Variants in AKAP12 observed in about 807,000 individuals in gnomAD.
The protein encoded by AKAP12 is A-kinase anchoring protein 12, also known as A-kinase anchor protein 12.
Under a neutral mutation model 79.9 loss-of-function variants are expected in AKAP12, and 32 were observed. The observed-to-expected ratio is 0.40, with a 90% confidence interval of 0.30 to 0.54. The LOEUF (loss-of-function observed/expected upper bound fraction) is 0.54. Among genes scored for constraint, AKAP12 ranks in the 20% least tolerant of loss-of-function variants. The pLI, the probability that AKAP12 is intolerant of heterozygous loss-of-function variation, is 0.48. For missense variants in AKAP12, 2,074 were observed against 2,177.0 expected (o/e 0.95, Z 0.94); for synonymous variants, 808 against 857.0 (o/e 0.94, Z 1.00).
At chr6:151,305,150 C>G (rs1776950998) in intron 2 of AKAP12, among the ~76,000 whole-genome samples, 1 of 151,212 alleles carries the variant, frequency 6.6e-6, no homozygotes, top group Non-Finnish European at 1.5e-5. Context: ...CCTGGACACC[C>G]CCAGCCTCAG....
In AKAP12 at chr6:151,341,804, A is replaced by G. The variant is rs555998757; in HGVS notation, c.320-6907A>G. ...CGAGATGGGTGTGTGTGGGTTTTCC[A>G]GCCTCCTTCCTTCCCGTCCCAGGCT... On this transcript the variant is annotated intron_variant, in intron 3 of 4. Transcript: ENST00000402676. 1.8e-3 allele frequency: 2,371 copies of G among 1,287,236 alleles called. 5 individuals carry two copies. The highest frequency in any genetic ancestry group is 2.6e-3 in the Middle Eastern group (12 of 4,690). 79.7% of individuals were successfully genotyped at this position (1,287,236 alleles called of 1,614,324 possible). A position where few individuals can be genotyped will look rare whatever the true frequency, so the allele number is the denominator to read the frequency against.
chr6:151,343,970 A>C (rs774724360), intron 3 of AKAP12: 1 of 449,152 alleles, frequency 2.2e-6, no homozygotes, highest in Non-Finnish European at 4.2e-6. Context: ...ATATATCTAA[A>C]ATGTAGAAGT....
intron 2 of AKAP12, among the ~76,000 whole-genome samples, chr6:151,272,353 AAAAAAAC>A (rs1221288534): frequency 2.0e-5 from 3 of 151,254 alleles, no homozygotes; most frequent in African/African-American, 7.3e-5. Context: ...TCAAAAAAAA[AAAAAAAC>A]AAAAAAAACA....
chr6:151,291,652 T>C (rs1203339278), intron 2 of AKAP12, among the ~76,000 whole-genome samples: 1 of 152,244 alleles, frequency 6.6e-6, no homozygotes, highest in African/African-American at 2.4e-5. Flanking sequence ...GAAAGCCATT[T>C]CAATTTATCA....
chr6:151,352,593 G>A lies in AKAP12; in HGVS notation c.4202G>A (p.Gly1401Asp). The change falls in exon 4 of 5, where the codon GGT becomes GAT. Residue 1401 changes from glycine (G) to aspartate (D), a missense_variant. Transcript: ENST00000402676. ...SLEGSPPPCLGQEEAVCTKIQ... is the reference protein window; with the variant it reads ...SLEGSPPPCLDQEEAVCTKIQ... Reference sequence around the variant, plus strand: ...GAAGGAAGCCCTCCTCCCTGCCTAGGTCAAGAGGAGGCAGTATGCACCAAA... The same window carrying A: ...GAAGGAAGCCCTCCTCCCTGCCTAGATCAAGAGGAGGCAGTATGCACCAAA... 1 of 1,614,184 alleles carries A rather than the reference G, an allele frequency of 6.2e-7. No homozygotes were observed. Among genetic ancestry groups the A allele is most frequent in the African/African-American group, 1.3e-5 (1 of 75,042 alleles).
chr6:151,297,071 T>C (rs1432970861), intron 2 of AKAP12, among the ~76,000 whole-genome samples: 1 of 150,138 alleles, frequency 6.7e-6, no homozygotes, highest in African/African-American at 2.5e-5. Context: ...TATTCAATTT[T>C]AGAGTGAATA....
At chr6:151,256,123 A>G (rs761802470) in intron 2 of AKAP12, among the ~76,000 whole-genome samples, 70 of 152,202 alleles carry the variant, frequency 4.6e-4, no homozygotes, top group Non-Finnish European at 9.1e-4. Flanking sequence ...GAGATGCACG[A>G]GAGAAAGAAC....
At chr6:151,266,890 A>C (rs897154472) in intron 2 of AKAP12, among the ~76,000 whole-genome samples, 2 of 151,994 alleles carry the variant, frequency 1.3e-5, no homozygotes, top group Non-Finnish European at 2.9e-5. Context: ...TATGTGGCTG[A>C]AGGTTGAAAG....
intron 2 of AKAP12, among the ~76,000 whole-genome samples, chr6:151,263,313 GC>G (rs1251054471): frequency 6.6e-6 from 1 of 152,144 alleles, no homozygotes; most frequent in East Asian, 1.9e-4. Context: ...GGGATTACAG[GC>G]ATGAGTCACC....
At chr6:151,326,345 T>G (rs1032463299) in intron 3 of AKAP12, among the ~76,000 whole-genome samples, 2 of 152,204 alleles carry the variant, frequency 1.3e-5, no homozygotes, top group Non-Finnish European at 2.9e-5. Context: ...CATTTTGACT[T>G]GTTTACTAGG....
At chr6:151,332,041 T>TTTTG (rs1562743266) in intron 3 of AKAP12, among the ~76,000 whole-genome samples, 5 of 140,368 alleles carry the variant, frequency 3.6e-5, no homozygotes, top group Admixed American at 1.4e-4. Flanking sequence ...CTGTTTTTTT[T>TTTTG]TTTTTTTTTT....
chr6:151,332,621 A>C (rs770886930), intron 3 of AKAP12, among the ~76,000 whole-genome samples: 45 of 152,304 alleles, frequency 3.0e-4, no homozygotes, highest in Non-Finnish European at 6.0e-4. Flanking sequence ...AAGCCCTGTC[A>C]ATACAAGACT....
intron 3 of AKAP12, among the ~76,000 whole-genome samples, chr6:151,312,787 T>C (rs1777144221): frequency 2.4e-5 from 2 of 82,962 alleles, no homozygotes; most frequent in African/African-American, 7.1e-5. Flanking sequence ...AGGGAGACTC[T>C]GTCTCCAAAA....
intron 2 of AKAP12, among the ~76,000 whole-genome samples, chr6:151,287,919 A>G (rs1298790371): frequency 1.3e-5 from 2 of 152,206 alleles, no homozygotes; most frequent in Non-Finnish European, 2.9e-5. Context: ...TTGCAGGGAC[A>G]TGGATAAAGC....
At chr6:151,303,118 A>G (rs1776896767) in intron 2 of AKAP12, among the ~76,000 whole-genome samples, 2 of 152,254 alleles carry the variant, frequency 1.3e-5, no homozygotes, top group Admixed American at 1.3e-4. Flanking sequence ...ACTTGAACCC[A>G]AAAGGCGGAT....
intron 2 of AKAP12, among the ~76,000 whole-genome samples, chr6:151,282,747 A>T (rs1032819910): frequency 2.0e-5 from 3 of 152,056 alleles, no homozygotes; most frequent in Non-Finnish European, 4.4e-5. Context: ...TCTCTTGTCT[A>T]TTGGTTGAAT....
intron 3 of AKAP12, among the ~76,000 whole-genome samples, chr6:151,334,106 T>C (rs929899118): frequency 2.0e-5 from 3 of 151,674 alleles, no homozygotes; most frequent in Admixed American, 1.3e-4. Flanking sequence ...CCTCCATCTC[T>C]ACAAAAACAA....
At chr6:151,340,412 G>C (rs982148573) in intron 3 of AKAP12, among the ~76,000 whole-genome samples, 3 of 152,090 alleles carry the variant, frequency 2.0e-5, no homozygotes, top group African/African-American at 7.2e-5. Context: ...AACTCATTTG[G>C]GTGAATACCA....
rs1454541075 is a variant in AKAP12, at chr6:151,352,810, G to C, written c.4419G>C (p.Val1473=). 4.3e-6 allele frequency: 7 copies of C among 1,614,196 alleles called. No individual in the cohort carries two copies. The Admixed American group carries it at 1.0e-4, about 23-fold the overall frequency. The part of the protein sequence containing the change: ...DFAAHPGEDA[V]PTGPDCQAKS... ...CCGCTCATCCAGGGGAAGATGCTGT[G>C]CCCACAGGGCCCGACTGTCAGGCAA... Residue 1473 remains valine, a synonymous_variant, in exon 4 of 5, where the codon GTG becomes GTC. Coordinates refer to ENST00000402676, the MANE Select transcript of AKAP12 (RefSeq NM_005100.4).
Sources: allele counts gnomAD v4.1 joint callset (sites outside exome capture counted in the v4.1 genomes callset), GRCh38; gene constraint gnomAD v4.1.1; transcripts MANE v1.5; gene names NCBI Gene and HGNC (gene_info 2026-07-23, HGNC 2026-07-21).